The following RP1 variants were observed in gnomAD, a reference collection of about 807,000 sequenced individuals.
The protein encoded by RP1 is RP1 axonemal microtubule associated.
RP1 carries 16 observed loss-of-function variants against 14.8 expected under a neutral mutation model. The observed-to-expected ratio is 1.08, with a 90% CI of 0.73 to 1.65. The LOEUF is 1.65. RP1 is among the 40% of genes most tolerant of loss of function. The probability of loss-of-function intolerance (pLI) is 0.00; values close to 1 mark genes in which losing one functional copy is unlikely to be tolerated. For synonymous variants in RP1, 876 were observed against 883.6 expected (o/e 0.99, Z 0.15); for missense variants, 2,631 against 2,535.0 (o/e 1.04, Z -0.81).
intron 12 of RP1, chr8:54,696,622 AC>A: frequency 1.2e-6 from 1 of 812,884 alleles, no homozygotes; most frequent in Middle Eastern, 2.4e-4. Context: ...CAGAAGTGAA[AC>A]CTCATGCCTT....
chr8:54,603,043 T>C (rs1320401610), intron 1 of RP1, among the ~76,000 whole-genome samples: 1 of 152,220 alleles, frequency 6.6e-6, no homozygotes, highest in Admixed American at 6.5e-5. Flanking sequence ...TTAGTTTAAT[T>C]AGATCCCATT....
At chr8:54,590,034 G>A (rs1805013231) in intron 1 of RP1, among the ~76,000 whole-genome samples, 1 of 152,018 alleles carries the variant, frequency 6.6e-6, no homozygotes, top group African/African-American at 2.4e-5. Flanking sequence ...CACATCATCT[G>A]CCTTCCTTCT....
chr8:54,629,581 C>A lies in RP1; in HGVS notation c.5699C>A (p.Thr1900Lys). 1 of 1,613,996 alleles carries A rather than the reference C, an allele frequency of 6.2e-7. No homozygotes were observed. Among genetic ancestry groups the A allele is most frequent in the Non-Finnish European group, 8.5e-7 (1 of 1,180,004 alleles). The change falls in exon 4 of 4, where the codon ACA becomes AAA. Residue 1900 changes from threonine (T) to lysine (K), a missense_variant. Transcript: ENST00000220676. ...CCTGGCAGTAATATGATTCATGGTACACTTCAGGAAGCTGACTCTTTGGAT... is the reference window on the plus strand; with the variant it reads ...CCTGGCAGTAATATGATTCATGGTAAACTTCAGGAAGCTGACTCTTTGGAT... Reference protein sequence around the residue: ...PLPGSNMIHGTLQEADSLDKL... With the variant: ...PLPGSNMIHGKLQEADSLDKL...
intron 24 of RP1, among the ~76,000 whole-genome samples, chr8:54,806,238 C>T (rs1461360985): frequency 3.9e-5 from 6 of 152,020 alleles, no homozygotes; most frequent in East Asian, 1.9e-4. Context: ...AGACTGGTCT[C>T]GAACTCCTGA....
intron 1 of RP1, among the ~76,000 whole-genome samples, chr8:54,563,882 C>T (rs1187646539): frequency 6.6e-6 from 1 of 152,148 alleles, no homozygotes; most frequent in African/African-American, 2.4e-5. Context: ...AATCTTCACA[C>T]CTTGGCCCTA....
At chr8:54,680,958 G>A (rs1469290003) in intron 12 of RP1, among the ~76,000 whole-genome samples, 10 of 129,112 alleles carry the variant, frequency 7.7e-5, no homozygotes, top group Non-Finnish European at 1.4e-4. Flanking sequence ...ACTCTGTCTC[G>A]GACAAAAAAA....
At chr8:54,620,923 T>A (rs770125119) in intron 1 of RP1, 32 bp from the exon 2 acceptor site, 2 of 1,604,900 alleles carry the variant, frequency 1.2e-6, no homozygotes, top group South Asian at 2.2e-5. Context: ...TATGGTGCTG[T>A]GATTCTGGAG....
chr8:54,709,943 A>C (rs981264625), intron 15 of RP1, among the ~76,000 whole-genome samples: 4 of 152,184 alleles, frequency 2.6e-5, no homozygotes, highest in Admixed American at 6.5e-5. Context: ...AACCTTCAGG[A>C]CAAGCAAGGA....
intron 19 of RP1, among the ~76,000 whole-genome samples, chr8:54,743,270 G>A (rs539293370): frequency 1.4e-4 from 21 of 152,078 alleles, no homozygotes; most frequent in African/African-American, 4.3e-4. Context: ...TGTCTTAATC[G>A]TTTGACAAAT....
intron 1 of RP1, among the ~76,000 whole-genome samples, chr8:54,598,409 C>G (rs577257180): frequency 6.6e-6 from 1 of 151,946 alleles, no homozygotes; most frequent in Non-Finnish European, 1.5e-5. Flanking sequence ...TTCTCTTTAC[C>G]CTCCCTCATT....
chr8:54,840,694 A>G (rs1811771546), intron 25 of RP1, among the ~76,000 whole-genome samples: 1 of 150,024 alleles, frequency 6.7e-6, no homozygotes, highest in Non-Finnish European at 1.5e-5. Flanking sequence ...TTTTGGGTCC[A>G]TTTAACTTGA....
chr8:54,688,544 T>G (rs1807624423), intron 12 of RP1, among the ~76,000 whole-genome samples: 1 of 152,232 alleles, frequency 6.6e-6, no homozygotes, highest in African/African-American at 2.4e-5. Flanking sequence ...TAGCCAGTTT[T>G]CCCAGCACCA....
At chr8:54,794,848 G>A (rs907045337) in intron 24 of RP1, among the ~76,000 whole-genome samples, 1 of 151,716 alleles carries the variant, frequency 6.6e-6, no homozygotes, top group African/African-American at 2.4e-5. Flanking sequence ...ATCTGATAAG[G>A]GATTAATATC....
chr8:54,807,508 G>C (rs1039174803), intron 24 of RP1, among the ~76,000 whole-genome samples: 1 of 151,996 alleles, frequency 6.6e-6, no homozygotes, highest in African/African-American at 2.4e-5. Flanking sequence ...CTGTTTATTT[G>C]TTTGTATTTG....
chr8:54,690,234 C>A (rs1291320507), intron 12 of RP1, among the ~76,000 whole-genome samples: 2 of 151,966 alleles, frequency 1.3e-5, no homozygotes, highest in African/African-American at 4.8e-5. Context: ...AATAGTTAAT[C>A]AACATAATTT....
chr8:54,792,551 A>G (rs1436447034), intron 24 of RP1, among the ~76,000 whole-genome samples: 1 of 147,384 alleles, frequency 6.8e-6, no homozygotes, highest in African/African-American at 2.7e-5. Context: ...AAATGACAGG[A>G]AAAAAATTGG....
At chr8:54,650,444 A>G (rs923804518) in intron 4 of RP1, among the ~76,000 whole-genome samples, 4 of 152,152 alleles carry the variant, frequency 2.6e-5, no homozygotes, top group Non-Finnish European at 5.9e-5. Context: ...GGTAAAATAC[A>G]CAAAAGTTAC....
chr8:54,621,645 G>A, intron 2 of RP1, 64 bp downstream of exon 2: 1 of 1,609,874 alleles, frequency 6.2e-7, no homozygotes, highest in Non-Finnish European at 8.5e-7. Flanking sequence ...TTGGATTCGT[G>A]TGGGATATGA....
chr8:54,611,136 A>G (rs1370556543), upstream of RP1, among the ~76,000 whole-genome samples: 3 of 152,108 alleles, frequency 2.0e-5, no homozygotes, highest in Admixed American at 2.0e-4. Flanking sequence ...TATCTGATGA[A>G]TTGCTTCCCT....
Sources: gnomAD v4.1 joint callset for allele counts (sites outside exome capture counted in the v4.1 genomes callset) on GRCh38, gnomAD v4.1.1 for gene constraint, MANE v1.5 for transcripts, NCBI Gene and HGNC (gene_info 2026-07-23, HGNC 2026-07-21) for gene names.